ATP8B4: variants seen among roughly 807,000 people sequenced by gnomAD.
ATP8B4 encodes probable phospholipid-transporting ATPase IM.
ATP8B4 carries 133 observed loss-of-function variants against 145.6 expected under a neutral mutation model. The observed-to-expected ratio is 0.91, with a 90% CI of 0.79 to 1.05. The LOEUF (loss-of-function observed/expected upper bound fraction) is 1.05, where lower values mean the gene tolerates loss of function less well. ATP8B4 is among the 50% of genes least tolerant of loss of function. The pLI, the probability that ATP8B4 is intolerant of heterozygous loss-of-function variation, is 0.00. For synonymous variants in ATP8B4, 507 were observed against 492.9 expected (o/e 1.03, Z -0.38); for missense variants, 1,458 against 1,425.2 (o/e 1.02, Z -0.37).
At chr15:49,983,950 T>C (rs148802880) in intron 10 of ATP8B4, among the ~76,000 whole-genome samples, 49 of 152,366 alleles carry the variant, frequency 3.2e-4, no homozygotes, top group African/African-American at 9.9e-4. Context: ...CTGAAAATCA[T>C]ATGAGTGAAG....
intron 3 of ATP8B4, among the ~76,000 whole-genome samples, chr15:50,050,522 T>C (rs1036565586): frequency 2.6e-5 from 4 of 152,120 alleles, no homozygotes; most frequent in African/African-American, 9.7e-5. Context: ...TTGAGTATAC[T>C]ATCTAAAGCA....
chr15:50,122,902 G>T (rs570648317), upstream of ATP8B4, among the ~76,000 whole-genome samples: 1 of 152,168 alleles, frequency 6.6e-6, no homozygotes, highest in East Asian at 1.9e-4. Flanking sequence ...GCAAAATTGG[G>T]AAGATTAAAA....
chr15:50,153,905 G>A (rs1383078869), intron 1 of ATP8B4, among the ~76,000 whole-genome samples: 1 of 152,160 alleles, frequency 6.6e-6, no homozygotes, highest in Non-Finnish European at 1.5e-5. Flanking sequence ...AAAAATCAAA[G>A]CCTCTTCTAA....
intron 9 of ATP8B4, among the ~76,000 whole-genome samples, chr15:49,988,369 T>A (rs1008842119): frequency 6.6e-6 from 1 of 151,988 alleles, no homozygotes; most frequent in African/African-American, 2.4e-5. Context: ...AATATACATA[T>A]CCACTGCAAA....
intron 12 of ATP8B4, 63 bp downstream of exon 12, chr15:49,979,552 CAA>C (rs1345109625): frequency 7.7e-7 from 1 of 1,297,202 alleles, no homozygotes; most frequent in African/African-American, 1.5e-5. Context: ...AACTTTAAAA[CAA>C]ATAATATTGG....
chr15:50,157,748 TCCC>T, intron 1 of ATP8B4, among the ~76,000 whole-genome samples: 1 of 151,924 alleles, frequency 6.6e-6, no homozygotes, highest in East Asian at 1.9e-4. Flanking sequence ...CCTCTCCCTC[TCCC>T]TCTCCCCACG....
Position 50,106,972 on chromosome 15 carries a change from T to C in ATP8B4, c.-6A>G, listed in dbSNP as rs2056714740. The C allele has an allele frequency of 4.4e-6, 7 of 1,593,776 alleles. No homozygotes were observed. The highest frequency in any genetic ancestry group is 6.0e-6 in the Non-Finnish European group (7 of 1,171,622). ...TTCTTTTCACTGCAGAACATTATTA[T>C]ACCTGATCTTTCACCAGGTCTCAAC... On this transcript the variant is annotated 5_prime_UTR_variant, in exon 2 of 28. Transcript: ENST00000284509.
At chr15:50,177,879 T>G (rs2044787003) in intron 1 of ATP8B4, among the ~76,000 whole-genome samples, 1 of 152,278 alleles carries the variant, frequency 6.6e-6, no homozygotes, top group Non-Finnish European at 1.5e-5. Context: ...TTCATCTCCA[T>G]AAAGTAGGAA....
intron 1 of ATP8B4, among the ~76,000 whole-genome samples, chr15:50,158,473 G>A (rs1157088065): frequency 4.6e-5 from 7 of 151,140 alleles, no homozygotes; most frequent in African/African-American, 9.7e-5. Context: ...CGCCCCGTCC[G>A]GGAGGGAGGT....
intron 14 of ATP8B4, among the ~76,000 whole-genome samples, chr15:49,950,597 AAAAAACAAACAAACAAACAAAC>A (rs2042983291): frequency 1.2e-5 from 1 of 86,640 alleles, no homozygotes; most frequent in Non-Finnish European, 2.5e-5. Flanking sequence ...AACTAAAAAA[AAAAAACAAACAAACAAACAAAC>A]AAAAAAAACA....
chr15:50,035,806 C>T (rs2050790184), intron 6 of ATP8B4, among the ~76,000 whole-genome samples: 1 of 152,176 alleles, frequency 6.6e-6, no homozygotes, highest in Non-Finnish European at 1.5e-5. Context: ...TAGGGTCCTC[C>T]TCTCCAAAGC....
chr15:50,041,159 G>A (rs2051251583), intron 5 of ATP8B4, among the ~76,000 whole-genome samples: 1 of 152,126 alleles, frequency 6.6e-6, no homozygotes. Flanking sequence ...CCAATATGTA[G>A]GAACTCATGC....
In ATP8B4 at chr15:49,875,758, GGAA is replaced by G. The variant is rs1394232523; in HGVS notation, c.3027+517_3027+519del. ...AGGAAATAGAGACACAACTCAAGAT[GGAA>G]GAAGGTCAATGGAACCTCAAAAAAT... On this transcript the variant is annotated intron_variant, in intron 25 of 27. Coordinates refer to ENST00000284509, the MANE Select transcript of ATP8B4 (RefSeq NM_024837.4). Among the ~76,000 whole-genome samples, 5 of 152,236 alleles carry G rather than the reference GGAA, an allele frequency of 3.3e-5. 1 individual carries two copies. The South Asian group carries it at 1.0e-3, about 32-fold the overall frequency.
At chr15:49,976,395 T>C (rs2045665924) in intron 12 of ATP8B4, among the ~76,000 whole-genome samples, 1 of 140,948 alleles carries the variant, frequency 7.1e-6, no homozygotes, top group Admixed American at 7.2e-5. Context: ...CAGTCTTGAG[T>C]GTATGAATTT....
chr15:49,864,971 A>T (rs774160196), intron 26 of ATP8B4, among the ~76,000 whole-genome samples: 5 of 152,092 alleles, frequency 3.3e-5, no homozygotes, highest in Non-Finnish European at 5.9e-5. Context: ...TAGATTTAAA[A>T]CTCCTTGAAA....
chr15:50,067,835 C>T, intron 3 of ATP8B4, among the ~76,000 whole-genome samples: 1 of 152,082 alleles, frequency 6.6e-6, no homozygotes. Context: ...GCTTTATATG[C>T]TTTTTGTACA....
At chr15:49,931,329 G>C in intron 15 of ATP8B4, 22 bp from the exon 16 acceptor site, 1 of 1,598,300 alleles carries the variant, frequency 6.3e-7, no homozygotes, top group Non-Finnish European at 8.6e-7. Flanking sequence ...AGAAACAAGT[G>C]TATCAATACT....
intron 9 of ATP8B4, among the ~76,000 whole-genome samples, chr15:49,988,836 G>T (rs1378414603): frequency 6.6e-6 from 1 of 152,070 alleles, no homozygotes; most frequent in Admixed American, 6.6e-5. Flanking sequence ...AGAGGTAACA[G>T]CAACCAGTTG....
intron 10 of ATP8B4, among the ~76,000 whole-genome samples, chr15:49,986,104 C>T (rs1320561854): frequency 2.0e-5 from 3 of 152,166 alleles, no homozygotes; most frequent in Non-Finnish European, 1.5e-5. Context: ...ACAAAGAAAC[C>T]TTACAAAGAA....
Sources: allele counts gnomAD v4.1 joint callset (sites outside exome capture counted in the v4.1 genomes callset), GRCh38; gene constraint gnomAD v4.1.1; transcripts MANE v1.5; gene names NCBI Gene and HGNC (gene_info 2026-07-23, HGNC 2026-07-21).